The following FRMD5 variants were observed in gnomAD, a reference collection of about 807,000 sequenced individuals.
FRMD5 encodes FERM domain containing 5, also known as FERM domain-containing protein 5.
In FRMD5, 20 loss-of-function variants were observed where a neutral mutation model predicts 69.0. The ratio of observed to expected loss-of-function variants is 0.29; its 90% CI spans 0.20 to 0.42. The LOEUF (loss-of-function observed/expected upper bound fraction) is 0.42, where lower values mean the gene tolerates loss of function less well. Ranked by LOEUF, FRMD5 falls within the 10% of genes least tolerant of loss-of-function variation. The probability of loss-of-function intolerance (pLI) is 1.00; values close to 1 mark genes in which losing one functional copy is unlikely to be tolerated. For synonymous variants in FRMD5, 271 were observed against 260.1 expected, an observed-to-expected ratio of 1.04 and a Z score of -0.40; for missense variants, 595 against 708.6, an observed-to-expected ratio of 0.84 and a Z score of 1.82.
chr15:44,012,326 A>G (rs1890754950), intron 1 of FRMD5, among the ~76,000 whole-genome samples: 1 of 152,188 alleles, frequency 6.6e-6, no homozygotes, highest in Non-Finnish European at 1.5e-5. Context: ...ACTTTTCTAA[A>G]CACTCTGCAG....
chr15:44,197,138 T>C (rs1232234109), upstream of FRMD5, among the ~76,000 whole-genome samples: 2 of 151,548 alleles, frequency 1.3e-5, no homozygotes, highest in Non-Finnish European at 2.9e-5. Context: ...GAGGTAGAGA[T>C]TGCAGTGAGC....
chr15:44,027,704 G>C (rs1042231387), intron 1 of FRMD5, among the ~76,000 whole-genome samples: 1 of 144,232 alleles, frequency 6.9e-6, no homozygotes. Context: ...GGGCTGGAGT[G>C]CAGTGGTGCC....
intron 1 of FRMD5, among the ~76,000 whole-genome samples, chr15:44,043,825 G>C (rs141085710): frequency 1.1e-4 from 17 of 152,252 alleles, no homozygotes; most frequent in African/African-American, 4.1e-4. Flanking sequence ...AAAAACCCTA[G>C]AAGAAAACCT....
At chr15:44,132,531 T>TA (rs1289689282) in intron 1 of FRMD5, among the ~76,000 whole-genome samples, 1 of 152,046 alleles carries the variant, frequency 6.6e-6, no homozygotes, top group African/African-American at 2.4e-5. Flanking sequence ...TGGACTCAAG[T>TA]GATCTTCCCA....
At chr15:44,021,768 T>C (rs989890746) in intron 1 of FRMD5, among the ~76,000 whole-genome samples, 2 of 152,126 alleles carry the variant, frequency 1.3e-5, no homozygotes, top group Non-Finnish European at 2.9e-5. Flanking sequence ...GGAATTACCA[T>C]ACAATCCAGC....
intron 1 of FRMD5, among the ~76,000 whole-genome samples, chr15:43,961,080 C>A (rs1156874033): frequency 6.6e-6 from 1 of 151,616 alleles, no homozygotes; most frequent in Non-Finnish European, 1.5e-5. Context: ...AATAGAGACA[C>A]AAAAAAATCC....
intron 1 of FRMD5, among the ~76,000 whole-genome samples, chr15:44,106,787 G>A (rs1435567839): frequency 1.3e-5 from 2 of 152,210 alleles, no homozygotes; most frequent in East Asian, 1.9e-4. Context: ...AACTAGTACT[G>A]GGACTGAAAA....
intron 6 of FRMD5, among the ~76,000 whole-genome samples, chr15:43,902,728 T>C (rs554923569): frequency 2.4e-4 from 37 of 151,634 alleles, no homozygotes; most frequent in Non-Finnish European, 4.0e-4. Context: ...TAGCTAGATA[T>C]TGTGATTTTA....
chr15:44,158,802 T>C (rs951858601), intron 1 of FRMD5, among the ~76,000 whole-genome samples: 2 of 152,318 alleles, frequency 1.3e-5, no homozygotes, highest in South Asian at 2.1e-4. Context: ...AGTCATTTAT[T>C]CACAGCAGGC....
intron 8 of FRMD5, among the ~76,000 whole-genome samples, chr15:43,890,635 TG>T (rs1182152444): frequency 4.6e-5 from 7 of 152,198 alleles, no homozygotes; most frequent in Non-Finnish European, 1.0e-4. Flanking sequence ...GACAGGAGAT[TG>T]CAAATCCTCA....
intron 1 of FRMD5, among the ~76,000 whole-genome samples, chr15:44,175,531 T>C (rs944898348): frequency 1.3e-5 from 2 of 152,194 alleles, no homozygotes. Context: ...CAAAATGATA[T>C]AGCCACTTTG....
chr15:44,102,466 T>C (rs1409141405), intron 1 of FRMD5, among the ~76,000 whole-genome samples: 1 of 151,936 alleles, frequency 6.6e-6, no homozygotes, highest in Non-Finnish European at 1.5e-5. Flanking sequence ...GACAAATCAA[T>C]GGAAATAAAA....
At chr15:43,989,085 G>A (rs1426628987) in intron 1 of FRMD5, 13 of 929,726 alleles carry the variant, frequency 1.4e-5, no homozygotes, top group Admixed American at 6.9e-5. Context: ...GGTGGATGAT[G>A]GAGGTGCCTG....
Position 43,913,425 on chromosome 15 carries a change from G to A in FRMD5, c.330-3446C>T, listed in dbSNP as rs562048330. On this transcript the variant is annotated intron_variant, in intron 4 of 13. Transcript: ENST00000417257. The stretch of plus-strand genomic sequence containing the variant: ...ACAGCTTCAAGAGAGAGAATGAGCT[G>A]CACCAGGGCTCCCCCTCCCTTTCTG... 2.0e-3 allele frequency among the ~76,000 whole-genome samples: 300 copies of A among 152,374 alleles called. 2 individuals are homozygous for A. Among genetic ancestry groups the A allele is most frequent in the African/African-American group, 7.1e-3 (294 of 41,592 alleles).
intron 1 of FRMD5, among the ~76,000 whole-genome samples, chr15:44,009,815 A>C (rs1890631124): frequency 1.3e-5 from 2 of 152,190 alleles, no homozygotes; most frequent in Admixed American, 1.3e-4. Context: ...TCCCAGGCTT[A>C]AGGGGAAAAG....
At chr15:43,921,799 G>A (rs2089497149) in intron 2 of FRMD5, among the ~76,000 whole-genome samples, 1 of 152,172 alleles carries the variant, frequency 6.6e-6, no homozygotes, top group South Asian at 2.1e-4. Context: ...AGAGAAGGTG[G>A]AGGCCCTGGG....
chr15:44,078,569 C>CA (rs1893866681), intron 1 of FRMD5, among the ~76,000 whole-genome samples: 2 of 152,018 alleles, frequency 1.3e-5, no homozygotes, highest in South Asian at 4.1e-4. Flanking sequence ...TACTGTACTG[C>CA]ATAAGAACAG....
At chr15:44,180,742 G>A (rs2077984328) in intron 1 of FRMD5, among the ~76,000 whole-genome samples, 3 of 152,058 alleles carry the variant, frequency 2.0e-5, no homozygotes, top group African/African-American at 7.2e-5. Context: ...CTGAGATCCT[G>A]CTACTGCACT....
At chr15:44,069,295 C>G (rs1381618631) in intron 1 of FRMD5, among the ~76,000 whole-genome samples, 2 of 152,136 alleles carry the variant, frequency 1.3e-5, no homozygotes, top group Non-Finnish European at 1.5e-5. Flanking sequence ...AAACATGAAA[C>G]TACCACATAA....
Sources: allele counts gnomAD v4.1 joint callset (sites outside exome capture counted in the v4.1 genomes callset), GRCh38; gene constraint gnomAD v4.1.1; transcripts MANE v1.5; gene names NCBI Gene and HGNC (gene_info 2026-07-23, HGNC 2026-07-21).